TRMT11: variants seen among roughly 807,000 people sequenced by gnomAD.
TRMT11 encodes tRNA (guanine(10)-N(2))-methyltransferase TRMT11.
Under a neutral mutation model 62.8 loss-of-function variants are expected in TRMT11, and 53 were observed. The observed-to-expected ratio is 0.84, with a 90% CI of 0.68 to 1.06. The LOEUF is 1.06. TRMT11 is among the 50% of genes least tolerant of loss of function. The pLI is 0.00. For missense variants in TRMT11, 556 were observed against 553.4 expected (o/e 1.00, Z -0.05); for synonymous variants, 188 against 190.3 (o/e 0.99, Z 0.10).
chr6:126,026,094 G>GA (rs1773020444), intron 12 of TRMT11, among the ~76,000 whole-genome samples: 1 of 152,130 alleles, frequency 6.6e-6, no homozygotes, highest in Non-Finnish European at 1.5e-5. Context: ...ATTCCTTGTT[G>GA]ATATATTCTG....
At chr6:126,193,488 G>GTTTTTTTTTGTTTTTTTTTTTTT (rs1778627491) in intron 1 of TRMT11, among the ~76,000 whole-genome samples, 2 of 118,140 alleles carry the variant, frequency 1.7e-5, no homozygotes, top group African/African-American at 7.4e-5. Flanking sequence ...GAGCGTTTCT[G>GTTTTTTTTTGTTTTTTTTTTTTT]TATTTTTTTT....
At chr6:125,996,072 A>G (rs1791455046) in intron 3 of TRMT11, 32 bp downstream of exon 3, 5 of 1,409,222 alleles carry the variant, frequency 3.5e-6, no homozygotes, top group Non-Finnish European at 5.0e-6. Context: ...CTGCATGAAT[A>G]TACTGGTACT....
chr6:126,110,690 A>G (rs1268429835), intron 17 of TRMT11, among the ~76,000 whole-genome samples: 1 of 152,084 alleles, frequency 6.6e-6, no homozygotes, highest in African/African-American at 2.4e-5. Flanking sequence ...GTGTGTGTGC[A>G]TGTGCGTGCA....
chr6:126,011,206 G>T, intron 8 of TRMT11, 47 bp from the exon 9 acceptor site: 1 of 1,468,162 alleles, frequency 6.8e-7, no homozygotes, highest in Non-Finnish European at 9.2e-7. Flanking sequence ...CAGAAAATAA[G>T]AATACTCTGT....
intron 21 of TRMT11, among the ~76,000 whole-genome samples, chr6:126,117,593 GTGATCTAGAGC>G (rs1777604585): frequency 1.3e-5 from 2 of 151,800 alleles, no homozygotes; most frequent in Non-Finnish European, 2.9e-5. Context: ...TGCATTTTTT[GTGATCTAGAGC>G]TTCAGTTGAA....
chr6:126,227,642 C>T, the TRMT11 span, among the ~76,000 whole-genome samples: 1 of 152,212 alleles, frequency 6.6e-6, no homozygotes, highest in South Asian at 2.1e-4. Context: ...AATTAACACT[C>T]TAGATGTTTA....
rs1205582742 is a variant in TRMT11 at position 126,012,780 on chromosome 6, G to A, written c.935G>A (p.Gly312Asp). The A allele has an allele frequency of 6.2e-7, 1 of 1,613,250 alleles. No homozygotes were observed. Among genetic ancestry groups the A allele is most frequent in the East Asian group, 2.2e-5 (1 of 44,858 alleles). ...TTTGTTTTCTGTCTAGCTCCATATG[G>A]TATCAGAGAATCTACAAGAAGAACA... ...FDAIITDPPY[G>D]IRESTRRTGS... The change falls in exon 10 of 13, where the codon GGT becomes GAT. Residue 312 changes from glycine (G) to aspartate (D), a missense_variant. By Grantham distance (94) the Gly-to-Asp change is moderately conservative. Coordinates refer to ENST00000334379, the MANE Select transcript of TRMT11 (RefSeq NM_001031712.3).
chr6:125,993,679 T>C, intron 1 of TRMT11, 78 bp from the exon 2 acceptor site: 3 of 871,470 alleles, frequency 3.4e-6, no homozygotes, highest in Non-Finnish European at 3.7e-6. Context: ...TTTTTAGTCA[T>C]GTAATACCTG....
At chr6:126,143,388 G>A (rs1019500987) in intron 21 of TRMT11, among the ~76,000 whole-genome samples, 7 of 152,064 alleles carry the variant, frequency 4.6e-5, no homozygotes, top group African/African-American at 1.7e-4. Context: ...AGAAAAATGA[G>A]ATTACTTATT....
chr6:126,054,075 A>G (rs1399189720), intron 17 of TRMT11, among the ~76,000 whole-genome samples: 1 of 152,244 alleles, frequency 6.6e-6, no homozygotes, highest in African/African-American at 2.4e-5. Flanking sequence ...GCCCTGCTGC[A>G]GAATCTGCAC....
intron 17 of TRMT11, among the ~76,000 whole-genome samples, chr6:126,078,140 A>G (rs115862838): frequency 1.3e-3 from 193 of 152,310 alleles, no homozygotes; most frequent in African/African-American, 4.5e-3. Context: ...TTCTTATAAA[A>G]GAGACCTCTG....
chr6:126,153,191 T>C (rs891576828), intron 21 of TRMT11, among the ~76,000 whole-genome samples: 1 of 152,232 alleles, frequency 6.6e-6, no homozygotes, highest in African/African-American at 2.4e-5. Flanking sequence ...TCAAGAAGGC[T>C]ATAACATTTA....
At chr6:126,155,928 G>A (rs1047982952) in intron 21 of TRMT11, among the ~76,000 whole-genome samples, 10 of 151,912 alleles carry the variant, frequency 6.6e-5, no homozygotes, top group African/African-American at 2.2e-4. Context: ...GGGTTTCAAC[G>A]TGTTAGCCAG....
At chr6:126,121,695 G>T (rs955041714) in intron 21 of TRMT11, among the ~76,000 whole-genome samples, 14 of 152,106 alleles carry the variant, frequency 9.2e-5, no homozygotes, top group African/African-American at 3.4e-4. Context: ...CTGGCACACA[G>T]ATTTAAGTCT....
At chr6:126,078,392 AGAAAG>A (rs1777080181) in intron 17 of TRMT11, among the ~76,000 whole-genome samples, 2 of 150,460 alleles carry the variant, frequency 1.3e-5, no homozygotes, top group African/African-American at 5.0e-5. Context: ...ATTTTTTATT[AGAAAG>A]GTTTTTTTTT....
intron 17 of TRMT11, among the ~76,000 whole-genome samples, chr6:126,108,968 C>T (rs1475954648): frequency 1.3e-5 from 2 of 152,096 alleles, no homozygotes; most frequent in East Asian, 1.9e-4. Context: ...CAAAAAGTTA[C>T]GAGTACAGGG....
chr6:126,075,573 C>CG (rs1776998729), intron 17 of TRMT11, among the ~76,000 whole-genome samples: 2 of 152,018 alleles, frequency 1.3e-5, no homozygotes, highest in Non-Finnish European at 2.9e-5. Flanking sequence ...CCTGAGGCCT[C>CG]CCCAGTCATG....
At chr6:126,245,133 T>C in the TRMT11 span, among the ~76,000 whole-genome samples, 1 of 152,204 alleles carries the variant, frequency 6.6e-6, no homozygotes, top group Non-Finnish European at 1.5e-5. Context: ...TATGTTTTCA[T>C]TGGGAGGATA....
chr6:126,063,936 G>A (rs920977581), intron 17 of TRMT11, among the ~76,000 whole-genome samples: 2 of 152,166 alleles, frequency 1.3e-5, no homozygotes, highest in Non-Finnish European at 2.9e-5. Flanking sequence ...GATCAAAACA[G>A]GGAAGTGGGC....
Sources: gnomAD v4.1 joint callset for allele counts (sites outside exome capture counted in the v4.1 genomes callset) on GRCh38, gnomAD v4.1.1 for gene constraint, MANE v1.5 for transcripts, NCBI Gene and HGNC (gene_info 2026-07-23, HGNC 2026-07-21) for gene names.